The following SOS1 variants were observed in gnomAD, a reference collection of about 807,000 sequenced individuals.
SOS1 encodes SOS Ras/Rac guanine nucleotide exchange factor 1.
A neutral mutation model predicts 157.6 loss-of-function variants in SOS1; 25 were observed. That is an observed-to-expected ratio of 0.16 (90% CI 0.12 to 0.22). The LOEUF is 0.22. SOS1 is among the 10% of genes least tolerant of loss of function. The pLI is 1.00. For missense variants in SOS1, 1,237 were observed against 1,599.1 expected, an observed-to-expected ratio of 0.77 and a Z score of 3.86; for synonymous variants, 528 against 534.0, an observed-to-expected ratio of 0.99 and a Z score of 0.16.
At chr2:39,039,031 A>G (rs1572844487) in intron 6 of SOS1, among the ~76,000 whole-genome samples, 1 of 152,140 alleles carries the variant, frequency 6.6e-6, no homozygotes, top group Non-Finnish European at 1.5e-5. Context: ...AGCAGCCATC[A>G]ACATCAAGGC....
chr2:38,995,425 C>A, intron 19 of SOS1, 38 bp from the exon 20 acceptor site: 2 of 1,572,398 alleles, frequency 1.3e-6, no homozygotes, highest in African/African-American at 1.3e-5. Flanking sequence ...ACTTTAAACA[C>A]TGTAGTAGAA....
intron 6 of SOS1, among the ~76,000 whole-genome samples, chr2:39,045,273 A>AGAGAGAGAGTGTGT (rs138343013): frequency 1.8e-4 from 19 of 108,088 alleles, no homozygotes; most frequent in Admixed American, 4.9e-4. Context: ...AGAGAGAGAG[A>AGAGAGAGAGTGTGT]GTGTGTGTGT....
chr2:38,987,251 A>G (rs191842308), intron 22 of SOS1, among the ~76,000 whole-genome samples: 42 of 152,326 alleles, frequency 2.8e-4, no homozygotes, highest in African/African-American at 9.9e-4. Flanking sequence ...GAAAATAACC[A>G]TAGCCTTAGG....
At position 39,035,199 on chromosome 2, in the gene SOS1, A is replaced by T. The variant is rs924097095; in HGVS notation, c.1074+13T>A. ...TTGAATATGTTACAAATAACAATAA[A>T]GAGTTTTCTTACCTTCAAAAGTTCA... On this transcript the variant is annotated intron_variant, in intron 8 of 22. Coordinates refer to ENST00000402219, the MANE Select transcript of SOS1 (RefSeq NM_005633.4). 5 of 1,572,364 alleles carry T rather than the reference A, an allele frequency of 3.2e-6. No homozygotes were observed. The Admixed American group carries it at 5.0e-5, about 16-fold the overall frequency.
At chr2:39,025,800 G>A (rs1056166695) in intron 8 of SOS1, among the ~76,000 whole-genome samples, 6 of 152,168 alleles carry the variant, frequency 3.9e-5, no homozygotes, top group Middle Eastern at 3.4e-3. Flanking sequence ...ACATGCATGC[G>A]CATGCACATA....
intron 10 of SOS1, among the ~76,000 whole-genome samples, chr2:39,018,537 A>G (rs1048157790): frequency 3.3e-5 from 5 of 151,754 alleles, no homozygotes. Context: ...CCATTATTTG[A>G]TATTTTACTG....
At chr2:39,119,793 C>CCAG (rs1673795872) in intron 1 of SOS1, among the ~76,000 whole-genome samples, 1 of 152,176 alleles carries the variant, frequency 6.6e-6, no homozygotes. Flanking sequence ...AGCATGTGCA[C>CCAG]CAGCCCCTGT....
At chr2:39,121,761 G>T (rs563897767), upstream of SOS1, among the ~76,000 whole-genome samples, 6 of 152,248 alleles carry the variant, frequency 3.9e-5, no homozygotes, top group East Asian at 1.2e-3. Flanking sequence ...TTTCACCAGG[G>T]CCTCTACACA....
intron 20 of SOS1, among the ~76,000 whole-genome samples, chr2:38,990,088 A>G (rs1395716186): frequency 1.3e-5 from 2 of 152,096 alleles, no homozygotes; most frequent in Non-Finnish European, 2.9e-5. Flanking sequence ...CATATTAACA[A>G]CAGATGGAAC....
At chr2:39,090,369 T>C (rs868358420) in intron 1 of SOS1, among the ~76,000 whole-genome samples, 1 of 152,160 alleles carries the variant, frequency 6.6e-6, no homozygotes, top group Non-Finnish European at 1.5e-5. Flanking sequence ...ACATAGTAAC[T>C]GAGCTCTTAC....
chr2:39,049,066 T>C (rs1262210657), intron 6 of SOS1, among the ~76,000 whole-genome samples: 1 of 151,934 alleles, frequency 6.6e-6, no homozygotes, highest in Non-Finnish European at 1.5e-5. Flanking sequence ...TACAGACATG[T>C]ACCACCACGC....
Position 38,982,737 on chromosome 2 carries a change from C to T in SOS1, c.*3087G>A, listed in dbSNP as rs1251531191. 6.6e-6 allele frequency: 1 copy of T among 152,050 alleles called. No individual in the cohort carries two copies. Among genetic ancestry groups the T allele is most frequent in the Non-Finnish European group, 1.5e-5 (1 of 67,998 alleles). 9.4% of individuals were successfully genotyped at this position (152,050 alleles called of 1,614,324 possible). A position where few individuals can be genotyped will look rare whatever the true frequency, so the allele number is the denominator to read the frequency against. On this transcript the variant is annotated 3_prime_UTR_variant, in exon 23 of 23. Coordinates refer to ENST00000402219, the MANE Select transcript of SOS1 (RefSeq NM_005633.4). The stretch of plus-strand genomic sequence containing the variant: ...GAATTTAAGCTGTCATATTAGAAGA[C>T]AAACAATGAAATACAAGATTAAGCT...
chr2:39,072,111 C>CA (rs1671813563), intron 1 of SOS1, among the ~76,000 whole-genome samples: 1 of 152,114 alleles, frequency 6.6e-6, no homozygotes, highest in African/African-American at 2.4e-5. Context: ...AGATATGAAT[C>CA]AAATATAATC....
intron 6 of SOS1, among the ~76,000 whole-genome samples, chr2:39,043,450 G>C (rs976353110): frequency 2.0e-5 from 3 of 152,090 alleles, no homozygotes; most frequent in East Asian, 1.9e-4. Context: ...TGATAAACTT[G>C]TTACCCTTCA....
Position 38,992,533 on chromosome 2 carries a change from T to G in SOS1, c.3346+2590A>C, listed in dbSNP as rs542960881. ...CAAAGCAGGATCCAGAGCACTGCAT[T>G]CTAGAATGATTTCTTCTTCGCTGCT... On this transcript the variant is annotated intron_variant, in intron 20 of 22. Transcript: ENST00000402219. 4 of 152,328 alleles carry G rather than the reference T, an allele frequency of 2.6e-5. No homozygotes were observed. In the South Asian group the frequency reaches 6.2e-4, roughly 24 times the overall value. 9.4% of individuals were successfully genotyped at this position (152,328 alleles called of 1,614,324 possible).
chr2:38,997,968 A>C (rs1215239066), intron 17 of SOS1, among the ~76,000 whole-genome samples: 1 of 152,188 alleles, frequency 6.6e-6, no homozygotes, highest in Non-Finnish European at 1.5e-5. Context: ...TTTGCAATTG[A>C]GAAGTAGTAC....
chr2:39,003,273 A>G (rs1669172864), intron 17 of SOS1, among the ~76,000 whole-genome samples: 2 of 152,208 alleles, frequency 1.3e-5, no homozygotes, highest in South Asian at 2.1e-4. Context: ...GTAGATATAA[A>G]TTGAAGGCTA....
chr2:39,118,888 A>T (rs924993449), intron 1 of SOS1, among the ~76,000 whole-genome samples: 2 of 152,314 alleles, frequency 1.3e-5, no homozygotes, highest in Middle Eastern at 3.4e-3. Context: ...CTCCTACAAT[A>T]TTCTTTCCAC....
At chr2:39,013,796 G>T in intron 12 of SOS1, 71 bp downstream of exon 12, 1 of 1,324,148 alleles carries the variant, frequency 7.6e-7, no homozygotes, top group Non-Finnish European at 1.1e-6. Flanking sequence ...TTTGGGAAAG[G>T]TCCTTATATA....
Sources: gnomAD v4.1 joint callset for allele counts (sites outside exome capture counted in the v4.1 genomes callset) on GRCh38, gnomAD v4.1.1 for gene constraint, MANE v1.5 for transcripts, NCBI Gene and HGNC (gene_info 2026-07-23, HGNC 2026-07-21) for gene names.